SEC14L1: variants seen among roughly 807,000 people sequenced by gnomAD.
SEC14L1 encodes SEC14-like protein 1.
Under a neutral mutation model 85.3 loss-of-function variants are expected in SEC14L1, and 48 were observed. The observed-to-expected ratio is 0.56, with a 90% CI of 0.45 to 0.72. The LOEUF (loss-of-function observed/expected upper bound fraction) is 0.72, where lower values mean the gene tolerates loss of function less well. SEC14L1 is among the 30% of genes least tolerant of loss of function. The pLI is 0.00. For synonymous variants in SEC14L1, 391 were observed against 355.5 expected (o/e 1.10, Z -1.12); for missense variants, 682 against 921.4 (o/e 0.74, Z 3.36).
Position 77,193,458 on chromosome 17 carries a change from A to G in SEC14L1, c.383A>G (p.Gln128Arg). The G allele has an allele frequency of 6.2e-7, 1 of 1,612,080 alleles. No individual in the cohort carries two copies. The highest frequency in any genetic ancestry group is 8.5e-7 in the Non-Finnish European group (1 of 1,178,528). ...AATGAAGATTGGACCTGTTTTGAACAGTCTGCAAGTTTAGATATTAAATCT... is the reference window on the plus strand; with the variant it reads ...AATGAAGATTGGACCTGTTTTGAACGGTCTGCAAGTTTAGATATTAAATCT... ...PENEDWTCFEQSASLDIKSFF... is the reference protein window; with the variant it reads ...PENEDWTCFERSASLDIKSFF... The change falls in exon 6 of 17, where the codon CAG becomes CGG. Residue 128 changes from glutamine to arginine, a missense_variant. Physicochemically the swap from Gln to Arg is conservative, Grantham distance 43. This residue lies in a region of SEC14L1 where 139 missense variants were observed against 201.3 expected (regional missense o/e 0.69). Transcript: ENST00000436233.
intron 3 of SEC14L1, among the ~76,000 whole-genome samples, chr17:77,182,026 A>T (rs760820520): frequency 6.6e-6 from 1 of 151,980 alleles, no homozygotes; most frequent in Non-Finnish European, 1.5e-5. Context: ...TGTCTTACTT[A>T]CTGGTTCTTT....
At chr17:77,197,358 G>C (rs752548985) in intron 8 of SEC14L1, among the ~76,000 whole-genome samples, 2 of 152,182 alleles carry the variant, frequency 1.3e-5, no homozygotes, top group Non-Finnish European at 2.9e-5. Flanking sequence ...CCAACCTGTT[G>C]ATTGACAGTA....
chr17:77,153,554 C>CT (rs918853329), intron 3 of SEC14L1, among the ~76,000 whole-genome samples: 1 of 152,080 alleles, frequency 6.6e-6, no homozygotes, highest in African/African-American at 2.4e-5. Flanking sequence ...TTTGTAGTTA[C>CT]TTTTTAACAC....
intron 3 of SEC14L1, among the ~76,000 whole-genome samples, chr17:77,152,914 A>G (rs893838028): frequency 7.2e-5 from 11 of 151,888 alleles, no homozygotes; most frequent in Non-Finnish European, 1.5e-4. Flanking sequence ...CTTTCATGCC[A>G]TTGATTTGTT....
intron 3 of SEC14L1, chr17:77,094,450 T>C (rs1020941171): frequency 6.6e-6 from 1 of 152,068 alleles, no homozygotes; most frequent in African/African-American, 2.4e-5. Context: ...AGACTTACTG[T>C]AGGCTGTCGT....
intron 1 of SEC14L1, chr17:77,141,378 G>A: frequency 7.3e-6 from 1 of 136,310 alleles, no homozygotes; most frequent in Non-Finnish European, 1.6e-5. Flanking sequence ...CCAGTTCCCG[G>A]GAGCCGCTTT....
chr17:77,133,596 A>C (rs566876499), intron 3 of SEC14L1, among the ~76,000 whole-genome samples: 3 of 152,116 alleles, frequency 2.0e-5, no homozygotes, highest in Non-Finnish European at 2.9e-5. Flanking sequence ...CAAGGCTTCC[A>C]TTCACCAAAT....
chr17:77,152,655 T>C (rs1973616512), intron 3 of SEC14L1: 2 of 152,212 alleles, frequency 1.3e-5, no homozygotes, highest in Admixed American at 6.5e-5. Context: ...CTGACTATGA[T>C]GGGGCCACTG....
intron 3 of SEC14L1, among the ~76,000 whole-genome samples, chr17:77,152,065 T>C (rs1189816664): frequency 6.6e-6 from 1 of 152,174 alleles, no homozygotes; most frequent in Non-Finnish European, 1.5e-5. Context: ...AGCCTCGAAC[T>C]CCTGGGCTCA....
intron 13 of SEC14L1, among the ~76,000 whole-genome samples, chr17:77,207,632 A>G (rs1320411657): frequency 6.6e-6 from 1 of 152,050 alleles, no homozygotes; most frequent in African/African-American, 2.4e-5. Context: ...TTTTATTTTT[A>G]GTAGAGATGG....
intron 3 of SEC14L1, among the ~76,000 whole-genome samples, chr17:77,131,192 A>G (rs1179345220): frequency 6.6e-6 from 1 of 152,224 alleles, no homozygotes; most frequent in African/African-American, 2.4e-5. Context: ...GTGGAACCGA[A>G]TAGGCTGTGT....
intron 3 of SEC14L1, among the ~76,000 whole-genome samples, chr17:77,104,005 A>G (rs1971844733): frequency 1.3e-5 from 2 of 151,806 alleles, no homozygotes; most frequent in African/African-American, 4.8e-5. Flanking sequence ...TCACAGCTCA[A>G]TACCACCAGG....
At chr17:77,124,639 G>C (rs1015377990) in intron 3 of SEC14L1, among the ~76,000 whole-genome samples, 3 of 152,168 alleles carry the variant, frequency 2.0e-5, no homozygotes, top group Admixed American at 2.0e-4. Context: ...ATATTTAAAG[G>C]CTTGGCCAAG....
rs2280271 is a variant in SEC14L1 at position 77,206,305 on chromosome 17, C to A, written c.1246C>A (p.Arg416=). ...GAGACCTGGTGTGAAAGCGCTGCTGCGGATCATCGAGGTGGTGGAGGCCAA... is the reference window on the plus strand; with the variant it reads ...GAGACCTGGTGTGAAAGCGCTGCTGAGGATCATCGAGGTGGTGGAGGCCAA... ...LWRPGVKALL[R]IIEVVEANYP... is the part of the protein sequence containing the mutation. Residue 416 remains arginine, a synonymous_variant, in exon 12 of 17, where the codon CGG becomes AGG. Transcript: ENST00000436233. The surrounding 1 kb of genome is among the most constrained non-coding windows in gnomAD (Gnocchi z 4.3). 0.043 allele frequency: 69,833 copies of A among 1,614,034 alleles called. 1,973 individuals are homozygous for A. Among genetic ancestry groups the A allele is most frequent in the East Asian group, 0.11 (4,823 of 44,866 alleles).
In SEC14L1 at chr17:77,114,664, G is replaced by A. The variant is rs549218305; in HGVS notation, c.-136+21317G>A. ...AGCCTGGCCAACATGGTGAAACCCC[G>A]TCTCTACTAAAAATACAAAAATTAG... is the stretch of plus-strand genomic sequence containing the variant. On this transcript the variant is annotated intron_variant, in intron 3 of 19. Coordinates refer to the SEC14L1 transcript ENST00000392476. 1.3e-3 allele frequency among the ~76,000 whole-genome samples: 192 copies of A among 150,350 alleles called. 1 individual carries two copies. Among genetic ancestry groups the A allele is most frequent in the African/African-American group, 3.3e-3 (133 of 40,810 alleles).
intron 7 of SEC14L1, among the ~76,000 whole-genome samples, chr17:77,195,510 A>G (rs117324897): frequency 0.066 from 10,004 of 151,220 alleles, 543 homozygotes; most frequent in Admixed American, 0.16. Flanking sequence ...TATTTTTGAG[A>G]TAAAAAAGTC....
At chr17:77,203,716 C>A in intron 10 of SEC14L1, 58 bp downstream of exon 10, 2 of 1,364,892 alleles carry the variant, frequency 1.5e-6, no homozygotes, top group Non-Finnish European at 2.1e-6. Context: ...TTTTCTCTGC[C>A]AGTAGGATTG....
intron 3 of SEC14L1, among the ~76,000 whole-genome samples, chr17:77,160,619 C>T (rs1457731624): frequency 1.3e-5 from 2 of 152,184 alleles, no homozygotes; most frequent in Non-Finnish European, 1.5e-5. Context: ...TGACGGAGAC[C>T]AGGTATCTTA....
intron 3 of SEC14L1, among the ~76,000 whole-genome samples, chr17:77,171,034 G>A (rs1974501993): frequency 6.6e-6 from 1 of 152,192 alleles, no homozygotes; most frequent in African/African-American, 2.4e-5. Flanking sequence ...GCATTTCAGT[G>A]TAATGAATTT....
Sources: allele counts gnomAD v4.1 joint callset (sites outside exome capture counted in the v4.1 genomes callset), GRCh38; gene constraint gnomAD v4.1.1; regional missense constraint gnomAD v4.1.1; non-coding constraint Gnocchi (gnomAD v3.1); transcripts MANE v1.5; gene names NCBI Gene and HGNC (gene_info 2026-07-23, HGNC 2026-07-21).